MPPED2: variants seen among roughly 807,000 people sequenced by gnomAD.
The protein encoded by MPPED2 is metallophosphoesterase MPPED2.
A neutral mutation model predicts 33.0 loss-of-function variants in MPPED2; 5 were observed. The observed-to-expected ratio is 0.15, with a 90% CI of 0.08 to 0.32. The LOEUF is 0.32. Among genes scored for constraint, MPPED2 ranks in the 10% least tolerant of loss-of-function variants. The pLI, the probability that MPPED2 is intolerant of heterozygous loss-of-function variation, is 1.00. For synonymous variants in MPPED2, 136 were observed against 141.9 expected (o/e 0.96, Z 0.29); for missense variants, 275 against 372.1 (o/e 0.74, Z 2.15).
intron 2 of MPPED2, among the ~76,000 whole-genome samples, chr11:30,544,483 G>A (rs1301427374): frequency 6.6e-6 from 1 of 152,178 alleles, no homozygotes; most frequent in Non-Finnish European, 1.5e-5. Flanking sequence ...AGACAAAGAA[G>A]CAATAAAGAT....
At chr11:30,435,854 C>T (rs1323618066) in intron 4 of MPPED2, among the ~76,000 whole-genome samples, 3 of 151,992 alleles carry the variant, frequency 2.0e-5, no homozygotes, top group Non-Finnish European at 4.4e-5. Context: ...GTCTATAAAC[C>T]TCATGTTTTT....
intron 1 of MPPED2, 89 bp from the exon 2 acceptor site, chr11:30,580,583 T>A: frequency 2.4e-6 from 3 of 1,266,134 alleles, no homozygotes; most frequent in Non-Finnish European, 3.1e-6. Flanking sequence ...GACATGAAAC[T>A]AGTTCAGGGA....
intron 3 of MPPED2, among the ~76,000 whole-genome samples, chr11:30,517,916 C>A (rs1229275916): frequency 1.3e-5 from 2 of 152,126 alleles, no homozygotes; most frequent in African/African-American, 4.8e-5. Flanking sequence ...ACTATGAATT[C>A]TTACTCTGCG....
intron 2 of MPPED2, among the ~76,000 whole-genome samples, chr11:30,563,786 G>A (rs1054196021): frequency 5.3e-5 from 8 of 152,210 alleles, no homozygotes; most frequent in Non-Finnish European, 1.0e-4. Context: ...GGACAAGGCA[G>A]AGGATTCAAG....
intron 4 of MPPED2, among the ~76,000 whole-genome samples, chr11:30,432,973 G>A (rs1359742912): frequency 6.6e-6 from 1 of 152,186 alleles, no homozygotes; most frequent in African/African-American, 2.4e-5. Flanking sequence ...CTAATCTTCA[G>A]CTTTTGATAC....
At chr11:30,531,851 G>A (rs892796319) in intron 3 of MPPED2, among the ~76,000 whole-genome samples, 7 of 152,200 alleles carry the variant, frequency 4.6e-5, no homozygotes, top group Admixed American at 2.6e-4. Flanking sequence ...ACATATGTAC[G>A]TGTAAGTACT....
chr11:30,575,695 C>T (rs1038468863), intron 2 of MPPED2, among the ~76,000 whole-genome samples: 6 of 152,162 alleles, frequency 3.9e-5, no homozygotes, highest in African/African-American at 1.4e-4. Context: ...GAACCTAGGT[C>T]CAGCTCATGT....
At chr11:30,476,250 T>G (rs188081813) in intron 4 of MPPED2, among the ~76,000 whole-genome samples, 89 of 152,190 alleles carry the variant, frequency 5.8e-4, no homozygotes, top group Non-Finnish European at 1.1e-3. Flanking sequence ...TTTCAAAGAC[T>G]GAAAATTTTA....
chr11:30,440,943 T>C (rs144999437), intron 4 of MPPED2, among the ~76,000 whole-genome samples: 2 of 152,344 alleles, frequency 1.3e-5, no homozygotes, highest in East Asian at 1.9e-4. Flanking sequence ...CTCAAACATA[T>C]ATGTGAAATG....
intron 3 of MPPED2, among the ~76,000 whole-genome samples, chr11:30,523,951 CAAG>C (rs1954015586): frequency 6.6e-6 from 1 of 151,984 alleles, no homozygotes; most frequent in Admixed American, 6.6e-5. Flanking sequence ...TTGCTGTGGT[CAAG>C]AAGAGAGAAC....
intron 2 of MPPED2, among the ~76,000 whole-genome samples, chr11:30,545,871 A>G (rs1215109246): frequency 6.6e-6 from 1 of 151,606 alleles, no homozygotes; most frequent in Admixed American, 6.6e-5. Context: ...ATACATATAT[A>G]TATTTTTTTT....
At chr11:30,425,550 CA>C (rs1306843590) in intron 4 of MPPED2, 1 of 152,126 alleles carries the variant, frequency 6.6e-6, no homozygotes, top group Non-Finnish European at 1.5e-5. Flanking sequence ...GACGCCCATC[CA>C]TCATGCAAAG....
At chr11:30,539,460 G>A (rs995467010) in intron 2 of MPPED2, among the ~76,000 whole-genome samples, 1 of 152,074 alleles carries the variant, frequency 6.6e-6, no homozygotes, top group African/African-American at 2.4e-5. Flanking sequence ...AGGTGACATG[G>A]GAAGATGAGA....
chr11:30,432,008 C>T (rs761086861), intron 4 of MPPED2, among the ~76,000 whole-genome samples: 26 of 151,996 alleles, frequency 1.7e-4, no homozygotes, highest in Non-Finnish European at 2.8e-4. Flanking sequence ...AACCCCATTT[C>T]TACTAAAAAT....
intron 2 of MPPED2, among the ~76,000 whole-genome samples, chr11:30,567,430 T>C (rs1005803661): frequency 6.6e-6 from 1 of 152,082 alleles, no homozygotes; most frequent in South Asian, 2.1e-4. Flanking sequence ...AGTTTTAATG[T>C]CTCCTAAAAA....
intron 4 of MPPED2, among the ~76,000 whole-genome samples, chr11:30,473,745 A>G (rs1304321779): frequency 1.3e-5 from 2 of 152,220 alleles, no homozygotes; most frequent in South Asian, 2.1e-4. Context: ...TTCTGATTCA[A>G]GACAGTTACC....
intron 2 of MPPED2, among the ~76,000 whole-genome samples, chr11:30,545,932 G>A (rs545366790): frequency 2.0e-5 from 3 of 152,000 alleles, no homozygotes; most frequent in South Asian, 2.1e-4. Context: ...GCACGGTCTC[G>A]GCTCACTGCA....
chr11:30,384,257 T>C (rs189441337), downstream of MPPED2, among the ~76,000 whole-genome samples: 25 of 152,296 alleles, frequency 1.6e-4, 1 homozygote, highest in Admixed American at 1.6e-3. Context: ...CTCTGTAATG[T>C]TATGTATTGA....
In MPPED2 at chr11:30,522,383, AACAT is replaced by A. The variant is rs60470021; in HGVS notation, c.310+13607_310+13610del. ...GACTTAAACTCAAATGCTTCAGGAAAACATACACACACACACACACACACACACA... is the reference window on the plus strand; with the variant it reads ...GACTTAAACTCAAATGCTTCAGGAAAACACACACACACACACACACACACA... On this transcript the variant is annotated intron_variant, in intron 3 of 6. Transcript: ENST00000358117. 8.3e-3 allele frequency among the ~76,000 whole-genome samples: 725 copies of A among 87,578 alleles called. 2 individuals are homozygous for A. Among genetic ancestry groups the A allele is most frequent in the African/African-American group, 0.029 (652 of 22,224 alleles). 57.5% of individuals were successfully genotyped at this position (87,578 alleles called of 152,430 possible).
Sources: gnomAD v4.1 joint callset for allele counts (sites outside exome capture counted in the v4.1 genomes callset) on GRCh38, gnomAD v4.1.1 for gene constraint, MANE v1.5 for transcripts, NCBI Gene and HGNC (gene_info 2026-07-23, HGNC 2026-07-21) for gene names.